PHF24: variants seen among roughly 807,000 people sequenced by gnomAD.
PHF24 encodes Galpha inhibitory interacting protein.
PHF24 carries 25 observed loss-of-function variants against 42.6 expected under a neutral mutation model. The ratio of observed to expected loss-of-function variants is 0.59; its 90% CI spans 0.43 to 0.82. PHF24 has a LOEUF of 0.82. Among genes scored for constraint, PHF24 ranks in the 40% least tolerant of loss-of-function variants. The pLI is 0.00. For synonymous variants in PHF24, 185 were observed against 204.8 expected (o/e 0.90, Z 0.83); for missense variants, 470 against 538.1 (o/e 0.87, Z 1.25).
the PHF24 span, among the ~76,000 whole-genome samples, chr9:34,887,121 T>G: frequency 5.3e-5 from 8 of 151,554 alleles, no homozygotes; most frequent in South Asian, 1.5e-3. Context: ...ATCCTTGACA[T>G]TTTTTTTTCT....
the PHF24 span, chr9:34,837,212 C>G: frequency 2.2e-6 from 1 of 447,106 alleles, no homozygotes; most frequent in Admixed American, 2.6e-5. Flanking sequence ...GCCTTTGACT[C>G]TCAGCAAGAA....
the PHF24 span, among the ~76,000 whole-genome samples, chr9:34,931,890 A>G: frequency 6.6e-6 from 1 of 152,390 alleles, no homozygotes; most frequent in East Asian, 1.9e-4. Flanking sequence ...AGAGGGCAAG[A>G]GGCTAAATCC....
the PHF24 span, chr9:34,726,988 G>T: frequency 6.5e-6 from 10 of 1,544,220 alleles, no homozygotes; most frequent in Admixed American, 2.0e-5. Context: ...GCCAGCCCTG[G>T]CTAGGAAGGG....
chr9:34,798,144 A>G, the PHF24 span, among the ~76,000 whole-genome samples: 2 of 152,240 alleles, frequency 1.3e-5, no homozygotes, highest in Non-Finnish European at 2.9e-5. Flanking sequence ...AAATCTATAC[A>G]TATGTTAAAG....
intron 3 of PHF24, among the ~76,000 whole-genome samples, chr9:34,975,424 C>T (rs1827151181): frequency 6.6e-6 from 1 of 152,186 alleles, no homozygotes; most frequent in Admixed American, 6.5e-5. Context: ...ATGAAATCCA[C>T]GTATGAATAC....
the PHF24 span, among the ~76,000 whole-genome samples, chr9:34,742,380 G>A: frequency 3.3e-5 from 5 of 152,056 alleles, no homozygotes; most frequent in Non-Finnish European, 2.9e-5. Flanking sequence ...GACTCTGACC[G>A]TGGCCCAGTC....
chr9:34,881,814 AC>A, the PHF24 span, among the ~76,000 whole-genome samples: 3 of 152,244 alleles, frequency 2.0e-5, no homozygotes, highest in Non-Finnish European at 4.4e-5. Context: ...TCCTTCTGAA[AC>A]TATTCCAATC....
chr9:34,683,261 A>C, the PHF24 span, among the ~76,000 whole-genome samples: 1 of 152,232 alleles, frequency 6.6e-6, no homozygotes, highest in Non-Finnish European at 1.5e-5. Flanking sequence ...GGGTTTTGCC[A>C]TGTTGGCCAA....
At chr9:34,709,693 G>A in the PHF24 span, 6 of 1,613,660 alleles carry the variant, frequency 3.7e-6, no homozygotes, top group Non-Finnish European at 5.1e-6. Flanking sequence ...CTGCGGGTGG[G>A]GGCTAGTAAG....
At chr9:34,779,196 G>A in the PHF24 span, among the ~76,000 whole-genome samples, 1 of 151,610 alleles carries the variant, frequency 6.6e-6, no homozygotes, top group Admixed American at 6.6e-5. Context: ...GGAAAAAGAA[G>A]AGCAAACTAA....
chr9:34,694,993 C>A, the PHF24 span, among the ~76,000 whole-genome samples: 3 of 152,156 alleles, frequency 2.0e-5, no homozygotes, highest in Admixed American at 6.5e-5. Flanking sequence ...TCCTTGGAAT[C>A]TTGGGAGAGA....
chr9:34,840,885 A>G, the PHF24 span, among the ~76,000 whole-genome samples: 1 of 152,198 alleles, frequency 6.6e-6, no homozygotes, highest in Non-Finnish European at 1.5e-5. Flanking sequence ...ATATAAGTAT[A>G]TATGTAGGAA....
chr9:34,807,069 T>C, the PHF24 span, among the ~76,000 whole-genome samples: 144,381 of 152,286 alleles, frequency 0.95, 68,706 homozygotes, highest in Non-Finnish European at 0.99. Flanking sequence ...CTAGAACCTC[T>C]AGTACAATGT....
the PHF24 span, among the ~76,000 whole-genome samples, chr9:34,766,201 G>T: frequency 2.6e-4 from 40 of 152,250 alleles, 1 homozygote; most frequent in East Asian, 6.9e-3. Flanking sequence ...TTCTCGAATG[G>T]TATCTTTGTG....
chr9:34,859,823 T>C, the PHF24 span, among the ~76,000 whole-genome samples: 1 of 152,242 alleles, frequency 6.6e-6, no homozygotes, highest in African/African-American at 2.4e-5. Flanking sequence ...CTACTCTTGC[T>C]GTTGGCATAG....
At chr9:34,954,809 T>TA (rs1224998767), upstream of PHF24, among the ~76,000 whole-genome samples, 4 of 152,144 alleles carry the variant, frequency 2.6e-5, no homozygotes, top group Non-Finnish European at 4.4e-5. Flanking sequence ...AAAACACATA[T>TA]AGTGCATTGC....
chr9:34,920,856 G>A, the PHF24 span, among the ~76,000 whole-genome samples: 1 of 152,072 alleles, frequency 6.6e-6, no homozygotes, highest in East Asian at 1.9e-4. Flanking sequence ...TTTGTACTCT[G>A]CCACTTTACT....
the PHF24 span, among the ~76,000 whole-genome samples, chr9:34,795,215 G>T: frequency 4.6e-5 from 7 of 151,772 alleles, no homozygotes; most frequent in Admixed American, 2.6e-4. Flanking sequence ...CTGCACTCCA[G>T]TCTGGGCAAC....
the PHF24 span, chr9:34,666,160 G>A: frequency 3.4e-5 from 6 of 175,202 alleles, no homozygotes; most frequent in Non-Finnish European, 6.2e-5. Context: ...GTCATCTTAC[G>A]GGGTGAGGCC....
Sources: gnomAD v4.1 joint callset for allele counts (sites outside exome capture counted in the v4.1 genomes callset) on GRCh38, gnomAD v4.1.1 for gene constraint, MANE v1.5 for transcripts, NCBI Gene and HGNC (gene_info 2026-07-23, HGNC 2026-07-21) for gene names.